Variants in PIAS2 observed in about 807,000 individuals in gnomAD.
PIAS2 encodes protein inhibitor of activated STAT 2.
A neutral mutation model predicts 69.7 loss-of-function variants in PIAS2; 19 were observed. The ratio of observed to expected loss-of-function variants is 0.27; its 90% CI spans 0.19 to 0.40. The LOEUF (loss-of-function observed/expected upper bound fraction) is 0.40. Among genes scored for constraint, PIAS2 ranks in the 10% least tolerant of loss-of-function variants. The probability of loss-of-function intolerance (pLI) is 1.00; values close to 1 mark genes in which losing one functional copy is unlikely to be tolerated. For synonymous variants in PIAS2, 261 were observed against 263.2 expected (o/e 0.99, Z 0.08); for missense variants, 624 against 757.0 (o/e 0.82, Z 2.06).
intron 5 of PIAS2, among the ~76,000 whole-genome samples, chr18:46,850,224 A>T (rs1349930151): frequency 6.6e-6 from 1 of 152,160 alleles, no homozygotes; most frequent in Non-Finnish European, 1.5e-5. Flanking sequence ...TTTTAAAGCA[A>T]ATCTCAGATA....
chr18:46,847,419 C>A (rs1169878329), intron 5 of PIAS2, among the ~76,000 whole-genome samples: 1 of 151,844 alleles, frequency 6.6e-6, no homozygotes, highest in Non-Finnish European at 1.5e-5. Flanking sequence ...ATTAAATGAG[C>A]CTGATGGCTA....
At chr18:46,912,471 C>T (rs1403947438) in intron 1 of PIAS2, among the ~76,000 whole-genome samples, 1 of 151,998 alleles carries the variant, frequency 6.6e-6, no homozygotes, top group Non-Finnish European at 1.5e-5. Context: ...TATTTTTGAT[C>T]CAAGGTTGGT....
chr18:46,870,719 A>C (rs910093652), intron 2 of PIAS2, among the ~76,000 whole-genome samples: 1 of 151,060 alleles, frequency 6.6e-6, no homozygotes, highest in Non-Finnish European at 1.5e-5. Flanking sequence ...CCACAGCTGT[A>C]TACTTGGGCA....
intron 2 of PIAS2, among the ~76,000 whole-genome samples, chr18:46,888,697 A>G (rs2053593076): frequency 1.3e-5 from 2 of 152,134 alleles, no homozygotes; most frequent in Admixed American, 6.5e-5. Flanking sequence ...GGAGCATGCA[A>G]TCTAGATCCC....
intron 9 of PIAS2, among the ~76,000 whole-genome samples, chr18:46,835,568 A>G (rs1053310399): frequency 6.6e-6 from 1 of 152,204 alleles, no homozygotes; most frequent in Non-Finnish European, 1.5e-5. Context: ...CTAGGACTAC[A>G]GGCATGTACC....
intron 11 of PIAS2, 97 bp downstream of exon 11, chr18:46,827,862 T>C (rs889298776): frequency 3.3e-5 from 36 of 1,086,172 alleles, no homozygotes; most frequent in Non-Finnish European, 4.8e-5. Context: ...AATAGCCTTC[T>C]ACAGTTATGC....
chr18:46,860,339 C>A (rs1362805620), intron 3 of PIAS2, among the ~76,000 whole-genome samples: 1 of 152,156 alleles, frequency 6.6e-6, no homozygotes, highest in Non-Finnish European at 1.5e-5. Flanking sequence ...TCATCCGAAT[C>A]CAGAATGTAC....
intron 1 of PIAS2, among the ~76,000 whole-genome samples, chr18:46,909,405 C>A (rs536846131): frequency 6.6e-6 from 1 of 152,214 alleles, no homozygotes; most frequent in African/African-American, 2.4e-5. Flanking sequence ...GGCCACTATG[C>A]CCAGCTAATT....
chr18:46,816,156 A>T (rs1429932984), intron 12 of PIAS2: 5 of 985,096 alleles, frequency 5.1e-6, no homozygotes, highest in Non-Finnish European at 6.0e-6. Flanking sequence ...ATAGGTCATT[A>T]AGACAGGCCA....
chr18:46,868,745 C>T (rs533866808), intron 2 of PIAS2, among the ~76,000 whole-genome samples: 40 of 152,290 alleles, frequency 2.6e-4, no homozygotes, highest in African/African-American at 9.1e-4. Flanking sequence ...TGCTTGTTTT[C>T]CTTGTGACTC....
At chr18:46,860,288 G>C (rs2048458344) in intron 3 of PIAS2, among the ~76,000 whole-genome samples, 1 of 152,194 alleles carries the variant, frequency 6.6e-6, no homozygotes, top group African/African-American at 2.4e-5. Context: ...CAAAGTTTGA[G>C]AAACATGGGG....
chr18:46,815,897 T>C, intron 12 of PIAS2: 1 of 985,520 alleles, frequency 1.0e-6, no homozygotes. Flanking sequence ...AACAGGGTTA[T>C]CAAGGGTTAC....
intron 5 of PIAS2, among the ~76,000 whole-genome samples, chr18:46,854,464 G>A (rs576183064): frequency 2.0e-5 from 3 of 152,278 alleles, no homozygotes; most frequent in Admixed American, 2.0e-4. Flanking sequence ...AACGTGCCAT[G>A]TTGTACTATT....
At chr18:46,828,216 G>C (rs547060443) in intron 10 of PIAS2, 86 bp from the exon 11 acceptor site, 3 of 1,190,984 alleles carry the variant, frequency 2.5e-6, no homozygotes, top group East Asian at 5.1e-5. Flanking sequence ...ATTCAGTATA[G>C]TATGTTCCTG....
chr18:46,832,800 G>A (rs2043850682), intron 9 of PIAS2, among the ~76,000 whole-genome samples: 1 of 150,578 alleles, frequency 6.6e-6, no homozygotes. Context: ...GCTGAGGCAG[G>A]AGAATCACTT....
intron 5 of PIAS2, among the ~76,000 whole-genome samples, chr18:46,854,595 C>G (rs780945760): frequency 6.6e-6 from 1 of 152,166 alleles, no homozygotes; most frequent in Non-Finnish European, 1.5e-5. Flanking sequence ...TAAGACTTGA[C>G]TATCAGGATT....
At chr18:46,841,212 C>T (rs1236526908) in intron 8 of PIAS2, among the ~76,000 whole-genome samples, 3 of 152,160 alleles carry the variant, frequency 2.0e-5, no homozygotes, top group African/African-American at 4.8e-5. Flanking sequence ...TTCCTTTAGT[C>T]CCAAGGACAG....
intron 5 of PIAS2, chr18:46,852,819 A>T (rs2047167142): frequency 6.6e-6 from 1 of 152,346 alleles, no homozygotes; most frequent in Admixed American, 6.5e-5. Context: ...GAGTTTAGGC[A>T]CAACCTCACA....
intron 9 of PIAS2, among the ~76,000 whole-genome samples, chr18:46,832,892 C>CAAAAAAAAAAAAAAA (rs34958166): frequency 2.7e-4 from 29 of 105,970 alleles, no homozygotes; most frequent in Non-Finnish European, 4.4e-4. Flanking sequence ...CCTCTGTCTC[C>CAAAAAAAAAAAAAAA]AAAAAAAAAA....
Sources: gnomAD v4.1 joint callset for allele counts (sites outside exome capture counted in the v4.1 genomes callset) on GRCh38, gnomAD v4.1.1 for gene constraint, MANE v1.5 for transcripts, NCBI Gene and HGNC (gene_info 2026-07-23, HGNC 2026-07-21) for gene names.